Variants in COL22A1 observed in about 807,000 individuals in gnomAD.
COL22A1 encodes collagen alpha-1(XXII) chain.
COL22A1 carries 221 observed loss-of-function variants against 248.9 expected under a neutral mutation model. The observed-to-expected ratio is 0.89, with a 90% CI of 0.80 to 0.99. The LOEUF (loss-of-function observed/expected upper bound fraction) is 0.99, where lower values mean the gene tolerates loss of function less well. Ranked by LOEUF, COL22A1 falls within the 50% of genes least tolerant of loss-of-function variation. COL22A1 has a pLI of 0.00. For missense variants in COL22A1, 2,240 were observed against 2,179.0 expected (o/e 1.03, Z -0.56); for synonymous variants, 891 against 793.4 (o/e 1.12, Z -2.07).
At chr8:138,643,651 CAGAT>C (rs66644208) in intron 47 of COL22A1, among the ~76,000 whole-genome samples, 1 of 146,552 alleles carries the variant, frequency 6.8e-6, no homozygotes, top group African/African-American at 2.7e-5. Flanking sequence ...GATAGATAGA[CAGAT>C]AGATAGATAG....
At chr8:138,815,951 T>C (rs1818650419) in intron 7 of COL22A1, among the ~76,000 whole-genome samples, 1 of 152,118 alleles carries the variant, frequency 6.6e-6, no homozygotes, top group Non-Finnish European at 1.5e-5. Flanking sequence ...GTGTAGCCCC[T>C]CACCCCACTG....
intron 22 of COL22A1, among the ~76,000 whole-genome samples, chr8:138,749,195 C>G (rs1832385962): frequency 6.6e-6 from 1 of 152,126 alleles, no homozygotes; most frequent in Non-Finnish European, 1.5e-5. Flanking sequence ...AACTGTGAGT[C>G]CATTAACTCT....
chr8:138,591,541 CG>C, intron 63 of COL22A1, 40 bp from the exon 64 acceptor site: 1 of 1,453,928 alleles, frequency 6.9e-7, no homozygotes, highest in Non-Finnish European at 9.2e-7. Context: ...TGGAGACCCC[CG>C]GGGAGGACAG....
At chr8:138,613,974 T>C in intron 55 of COL22A1, 54 bp from the exon 56 acceptor site, 3 of 1,393,788 alleles carry the variant, frequency 2.2e-6, no homozygotes. Context: ...GTGAAGGTGA[T>C]GGCATCCCAA....
intron 54 of COL22A1, 53 bp from the exon 55 acceptor site, chr8:138,616,107 G>C (rs376555097): frequency 9.6e-6 from 14 of 1,457,682 alleles, no homozygotes; most frequent in Non-Finnish European, 1.2e-5. Flanking sequence ...GCCACTGGCT[G>C]TCTCAACCAC....
chr8:138,858,051 G>A (rs1822173162), intron 3 of COL22A1, among the ~76,000 whole-genome samples: 1 of 152,236 alleles, frequency 6.6e-6, no homozygotes, highest in South Asian at 2.1e-4. Context: ...ATGGCCCTGG[G>A]TGGTGACGTC....
rs145850669 is a variant in COL22A1 at position 138,885,554 on chromosome 8, C to T, written c.-72-2310G>A. On this transcript the variant is annotated intron_variant, in intron 1 of 64. Coordinates refer to ENST00000303045, the MANE Select transcript of COL22A1 (RefSeq NM_152888.3). ...TCCTACCTACTATATTCACCAAATG[C>T]CAACGTATCACACAGTTTTTTTTGT... 5.3e-3 allele frequency among the ~76,000 whole-genome samples: 806 copies of T among 151,976 alleles called. 8 individuals carry two copies. Among genetic ancestry groups the T allele is most frequent in the African/African-American group, 0.019 (776 of 41,330 alleles).
intron 46 of COL22A1, among the ~76,000 whole-genome samples, chr8:138,649,208 G>C (rs1470132998): frequency 6.6e-6 from 1 of 152,168 alleles, no homozygotes; most frequent in Non-Finnish European, 1.5e-5. Flanking sequence ...CATGTTGACT[G>C]ACATATAAGA....
intron 5 of COL22A1, among the ~76,000 whole-genome samples, chr8:138,831,020 T>C (rs556162345): frequency 6.6e-6 from 1 of 152,278 alleles, no homozygotes; most frequent in Non-Finnish European, 1.5e-5. Context: ...TGACAGCGAT[T>C]ATTGTCTTTG....
intron 50 of COL22A1, among the ~76,000 whole-genome samples, chr8:138,628,176 G>C (rs1820408778): frequency 6.6e-6 from 1 of 150,630 alleles, no homozygotes. Flanking sequence ...AAAGTAAAGG[G>C]CTTTATTTTG....
chr8:138,597,786 C>T (rs549926823), intron 61 of COL22A1, among the ~76,000 whole-genome samples: 39 of 152,180 alleles, frequency 2.6e-4, no homozygotes, highest in Admixed American at 5.9e-4. Context: ...TTCTCATCAC[C>T]GCCCATAGCA....
rs865829795 is a variant in COL22A1, at chr8:138,606,426, A to G, written c.4059T>C (p.Asn1353=). Reference sequence around the variant, plus strand: ...GGAAGCCAGGAAGTCCTGGGCTGCCATTTTCCCCTTTGCTTCCTTTCTGGC... The same window carrying G: ...GGAAGCCAGGAAGTCCTGGGCTGCCGTTTTCCCCTTTGCTTCCTTTCTGGC... ...TPGQKGSKGE[N]GSPGLPGFLG... The change falls in exon 58 of 65, where the codon AAT becomes AAC. Residue 1353 remains asparagine, a synonymous_variant. Transcript: ENST00000303045. 3.1e-6 allele frequency: 5 copies of G among 1,613,650 alleles called. No individual in the cohort carries two copies. Among genetic ancestry groups the G allele is most frequent in the East Asian group, 2.2e-5 (1 of 44,866 alleles).
chr8:138,627,096 C>G (rs919951628), intron 50 of COL22A1, among the ~76,000 whole-genome samples: 3 of 151,906 alleles, frequency 2.0e-5, no homozygotes, highest in Non-Finnish European at 2.9e-5. Flanking sequence ...CAATAATAAC[C>G]AGGATAAAAC....
intron 47 of COL22A1, among the ~76,000 whole-genome samples, chr8:138,641,145 A>T (rs978544114): frequency 6.6e-6 from 1 of 152,224 alleles, no homozygotes; most frequent in African/African-American, 2.4e-5. Context: ...GCAGTTACAG[A>T]CGGAAAGAAT....
chr8:138,628,056 C>T (rs1041638557), intron 50 of COL22A1, among the ~76,000 whole-genome samples: 3 of 152,082 alleles, frequency 2.0e-5, no homozygotes, highest in Non-Finnish European at 2.9e-5. Flanking sequence ...TATTGTTATA[C>T]ATATGTTGTT....
chr8:138,676,656 G>T, intron 40 of COL22A1, 21 bp from the exon 41 acceptor site: 1 of 1,517,518 alleles, frequency 6.6e-7, no homozygotes, highest in Non-Finnish European at 9.0e-7. Flanking sequence ...AGAAAAATAA[G>T]ATCAAGGAGG....
At chr8:138,657,516 G>C (rs1171448190) in intron 44 of COL22A1, among the ~76,000 whole-genome samples, 1 of 152,208 alleles carries the variant, frequency 6.6e-6, no homozygotes, top group Non-Finnish European at 1.5e-5. Context: ...TTTCAGTCTA[G>C]GTACAGTGTG....
At chr8:138,768,353 G>A (rs994866743) in intron 16 of COL22A1, among the ~76,000 whole-genome samples, 2 of 152,128 alleles carry the variant, frequency 1.3e-5, no homozygotes, top group African/African-American at 4.8e-5. Flanking sequence ...CCTGCCCCTG[G>A]CTTGGCCACA....
Position 138,892,539 on chromosome 8 carries a change from C to A in COL22A1, c.-72-9295G>T, listed in dbSNP as rs552063733. Among the ~76,000 whole-genome samples the A allele has an allele frequency of 1.2e-3, 177 of 152,330 alleles. No individual in the cohort carries two copies. The Middle Eastern group carries it at 0.017, about 15-fold the overall frequency. ...GGGGTACCATTATTCCATCTTCTCT[C>A]TCTCACCCAGCCCTGAGCTGTTTTC... On this transcript the variant is annotated intron_variant, in intron 1 of 64. Coordinates refer to ENST00000303045, the MANE Select transcript of COL22A1 (RefSeq NM_152888.3).
Sources: allele counts gnomAD v4.1 joint callset (sites outside exome capture counted in the v4.1 genomes callset), GRCh38; gene constraint gnomAD v4.1.1; transcripts MANE v1.5; gene names NCBI Gene and HGNC (gene_info 2026-07-23, HGNC 2026-07-21).